PCDH15: variants seen among roughly 807,000 people sequenced by gnomAD.
The protein encoded by PCDH15 is protocadherin-15.
A neutral mutation model predicts 178.5 loss-of-function variants in PCDH15; 129 were observed. That is an observed-to-expected ratio of 0.72 (90% CI 0.63 to 0.84). The LOEUF is 0.84. PCDH15 is among the 40% of genes least tolerant of loss of function. The probability of loss-of-function intolerance (pLI) is 0.00; values close to 1 mark genes in which losing one functional copy is unlikely to be tolerated. For missense variants in PCDH15, 2,230 were observed against 2,099.9 expected (o/e 1.06, Z -1.21); for synonymous variants, 800 against 732.0 (o/e 1.09, Z -1.50).
intron 2 of PCDH15, among the ~76,000 whole-genome samples, chr10:54,905,026 A>G (rs903220671): frequency 6.6e-6 from 1 of 151,878 alleles, no homozygotes; most frequent in African/African-American, 2.4e-5. Flanking sequence ...TACACTATGA[A>G]GCAGATATGA....
chr10:54,376,085 G>C (rs763094397), intron 4 of PCDH15, among the ~76,000 whole-genome samples: 4 of 151,010 alleles, frequency 2.6e-5, no homozygotes, highest in Non-Finnish European at 4.4e-5. Context: ...AGTACAGACG[G>C]GTTTTCACCG....
intron 2 of PCDH15, among the ~76,000 whole-genome samples, chr10:54,581,439 C>A (rs558636390): frequency 6.6e-6 from 1 of 151,988 alleles, no homozygotes; most frequent in Non-Finnish European, 1.5e-5. Context: ...AGATGACACA[C>A]ACAATTATAA....
intron 26 of PCDH15, among the ~76,000 whole-genome samples, chr10:53,894,408 G>A (rs1236400868): frequency 1.3e-5 from 2 of 152,150 alleles, no homozygotes; most frequent in Admixed American, 6.5e-5. Flanking sequence ...ATAGATGGAA[G>A]GAAACCAGTG....
At chr10:54,120,868 A>G (rs2095206498) in intron 15 of PCDH15, among the ~76,000 whole-genome samples, 2 of 152,138 alleles carry the variant, frequency 1.3e-5, no homozygotes, top group Admixed American at 1.3e-4. Context: ...CACTGACAGC[A>G]TTAAACAGAT....
chr10:55,502,996 A>G (rs1206368972), intron 2 of PCDH15, among the ~76,000 whole-genome samples: 1 of 151,610 alleles, frequency 6.6e-6, no homozygotes, highest in East Asian at 1.9e-4. Context: ...ATTAAACATT[A>G]ATAGCAAAAC....
upstream of PCDH15, among the ~76,000 whole-genome samples, chr10:55,323,589 A>T (rs538223603): frequency 1.9e-4 from 29 of 152,284 alleles, no homozygotes; most frequent in African/African-American, 6.3e-4. Flanking sequence ...TGACTGCCCC[A>T]CTGGATTATG....
chr10:54,651,634 A>G (rs10509016), intron 2 of PCDH15, among the ~76,000 whole-genome samples: 13,561 of 152,162 alleles, frequency 0.089, 746 homozygotes, highest in South Asian at 0.15. Context: ...AGTCACTCAA[A>G]GATAAGGGCT....
At chr10:54,717,880 A>G (rs9971168) in intron 1 of PCDH15, among the ~76,000 whole-genome samples, 90,210 of 141,082 alleles carry the variant, frequency 0.64, 33,265 homozygotes, top group Middle Eastern at 0.82. Flanking sequence ...AACAATGATA[A>G]ACTGGATTAA....
At chr10:55,087,446 C>T (rs1415664791) in intron 2 of PCDH15, among the ~76,000 whole-genome samples, 1 of 152,136 alleles carries the variant, frequency 6.6e-6, no homozygotes, top group Non-Finnish European at 1.5e-5. Context: ...TCTGCTTAGA[C>T]ATACCAGGTT....
intron 16 of PCDH15, 97 bp from the exon 17 acceptor site, chr10:54,079,521 T>TC: frequency 9.1e-6 from 10 of 1,099,240 alleles, no homozygotes; most frequent in Middle Eastern, 2.0e-4. Flanking sequence ...TAGCTTTTTT[T>TC]CCCCTCTCAG....
chr10:55,090,578 C>T (rs1246452669), intron 2 of PCDH15, among the ~76,000 whole-genome samples: 1 of 151,994 alleles, frequency 6.6e-6, no homozygotes, highest in Non-Finnish European at 1.5e-5. Flanking sequence ...GAACGACTCA[C>T]CTTCAAGAAG....
At chr10:54,395,446 A>ACC (rs573954550) in intron 3 of PCDH15, among the ~76,000 whole-genome samples, 2 of 144,106 alleles carry the variant, frequency 1.4e-5, no homozygotes, top group South Asian at 4.2e-4. Context: ...ACACACACAC[A>ACC]CACCCACATT....
intron 8 of PCDH15, among the ~76,000 whole-genome samples, chr10:54,244,348 C>T (rs1164299257): frequency 6.6e-6 from 1 of 151,950 alleles, no homozygotes; most frequent in Non-Finnish European, 1.5e-5. Flanking sequence ...GTTTGTTTAC[C>T]TGGGATTATA....
At chr10:55,571,213 C>A (rs528670793) in intron 2 of PCDH15, among the ~76,000 whole-genome samples, 1 of 152,146 alleles carries the variant, frequency 6.6e-6, no homozygotes, top group Non-Finnish European at 1.5e-5. Flanking sequence ...ATGTGATGCA[C>A]AGGCTCCCAC....
At chr10:55,399,861 C>T (rs1266906430) in intron 2 of PCDH15, among the ~76,000 whole-genome samples, 2 of 152,000 alleles carry the variant, frequency 1.3e-5, no homozygotes, top group East Asian at 3.9e-4. Context: ...TATAATTCCA[C>T]AATATAGCTT....
intron 1 of PCDH15, among the ~76,000 whole-genome samples, chr10:54,748,528 G>A (rs10763133): frequency 0.5 from 76,334 of 151,890 alleles, 19,733 homozygotes; most frequent in Middle Eastern, 0.68. Context: ...GTGTCCCCAC[G>A]GTATATTCGA....
At chr10:55,282,094 T>C (rs1842749410) in intron 1 of PCDH15, among the ~76,000 whole-genome samples, 1 of 152,188 alleles carries the variant, frequency 6.6e-6, no homozygotes, top group African/African-American at 2.4e-5. Flanking sequence ...AATCACTTAA[T>C]TCCTCTATTT....
At chr10:55,393,954 T>C (rs1837861046) in intron 2 of PCDH15, among the ~76,000 whole-genome samples, 1 of 152,144 alleles carries the variant, frequency 6.6e-6, no homozygotes, top group Admixed American at 6.6e-5. Context: ...ATTTCACATG[T>C]GCTTGCCTCC....
chr10:55,595,622 A>T (rs181240470), intron 2 of PCDH15, among the ~76,000 whole-genome samples: 21 of 152,252 alleles, frequency 1.4e-4, no homozygotes, highest in African/African-American at 4.1e-4. Flanking sequence ...TTATTTTTTT[A>T]AAGAAATAAT....
Sources: gnomAD v4.1 joint callset for allele counts (sites outside exome capture counted in the v4.1 genomes callset) on GRCh38, gnomAD v4.1.1 for gene constraint, MANE v1.5 for transcripts, NCBI Gene and HGNC (gene_info 2026-07-23, HGNC 2026-07-21) for gene names.